The following NOS2 variants were observed in gnomAD, a reference collection of about 807,000 sequenced individuals.
NOS2 encodes nitric oxide synthase 2, also known as nitric oxide synthase, inducible.
A neutral mutation model predicts 136.0 loss-of-function variants in NOS2; 96 were observed. The observed-to-expected ratio is 0.71, with a 90% CI of 0.60 to 0.84. The LOEUF (loss-of-function observed/expected upper bound fraction) is 0.84. NOS2 is among the 40% of genes least tolerant of loss of function. NOS2 has a pLI of 0.00. For missense variants in NOS2, 1,237 were observed against 1,496.9 expected (o/e 0.83, Z 2.87); for synonymous variants, 539 against 587.5 (o/e 0.92, Z 1.20).
At chr17:27,764,716 T>G (rs1341978469) in intron 20 of NOS2, among the ~76,000 whole-genome samples, 1 of 152,240 alleles carries the variant, frequency 6.6e-6, no homozygotes, top group Admixed American at 6.5e-5. Flanking sequence ...ACAGATCTGA[T>G]AGCACAACCT....
intron 17 of NOS2, among the ~76,000 whole-genome samples, chr17:27,768,527 A>C (rs1908385422): frequency 2.0e-5 from 3 of 152,228 alleles, no homozygotes; most frequent in Admixed American, 6.5e-5. Context: ...GACGCTCTGC[A>C]TGAGTGACGA....
intron 9 of NOS2, 140 bp downstream of exon 9, chr17:27,780,627 C>A: frequency 9.3e-7 from 1 of 1,075,294 alleles, no homozygotes; most frequent in South Asian, 1.4e-5. Flanking sequence ...CAAAAGAGTC[C>A]TTGAAGGCCA....
At chr17:27,769,377 T>C (rs1461137754) in intron 16 of NOS2, among the ~76,000 whole-genome samples, 158 bp downstream of exon 16, 5 of 152,134 alleles carry the variant, frequency 3.3e-5, no homozygotes, top group African/African-American at 2.4e-5. Context: ...TTTCTGTGGT[T>C]TGACCCTCGA....
chr17:27,776,677 G>GAA (rs34069634), intron 11 of NOS2, among the ~76,000 whole-genome samples: 80 of 78,074 alleles, frequency 1.0e-3, no homozygotes, highest in Admixed American at 1.0e-3. Flanking sequence ...ATCTCCAAAG[G>GAA]AAAAAAAAAA....
Sources: gnomAD v4.1 joint callset for allele counts (sites outside exome capture counted in the v4.1 genomes callset) on GRCh38, gnomAD v4.1.1 for gene constraint, MANE v1.5 for transcripts, NCBI Gene and HGNC (gene_info 2026-07-23, HGNC 2026-07-21) for gene names.